Variants in APC observed in about 807,000 individuals in gnomAD.
The protein encoded by APC is adenomatous polyposis coli protein.
A neutral mutation model predicts 247.0 loss-of-function variants in APC; 72 were observed. The observed-to-expected ratio is 0.29, with a 90% CI of 0.24 to 0.35. The LOEUF is 0.35. APC is among the 10% of genes least tolerant of loss of function. The pLI is 1.00. For missense variants in APC, 3,400 were observed against 3,360.7 expected, an observed-to-expected ratio of 1.01 and a Z score of -0.29; for synonymous variants, 1,254 against 1,162.5, an observed-to-expected ratio of 1.08 and a Z score of -1.60.
In APC at chr5:112,842,668, C is replaced by A. The variant is rs1554087974; in HGVS notation, c.7074C>A (p.Ser2358=). The A allele has an allele frequency of 6.2e-7, 1 of 1,613,728 alleles. No homozygotes were observed. Among genetic ancestry groups the A allele is most frequent in the Non-Finnish European group, 8.5e-7 (1 of 1,179,718 alleles). Residue 2358 remains serine, a synonymous_variant, in exon 16 of 16, where the codon TCC becomes TCA. Coordinates refer to ENST00000257430, the MANE Select transcript of APC (RefSeq NM_000038.6). ...TSSPSTASTK[S]SGSGKMSYTS... ...CCCCTAGTACTGCTTCAACTAAGTC[C>A]TCAGGTTCTGGAAAAATGTCATATA...
At chr5:112,753,326 T>A (rs1342950449) in intron 1 of APC, among the ~76,000 whole-genome samples, 2 of 152,182 alleles carry the variant, frequency 1.3e-5, no homozygotes, top group Non-Finnish European at 2.9e-5. Context: ...GGGTCTTAAC[T>A]ATGGGTGAAC....
intron 1 of APC, among the ~76,000 whole-genome samples, chr5:112,750,788 A>G: frequency 6.6e-6 from 1 of 152,274 alleles, no homozygotes; most frequent in Admixed American, 6.5e-5. Context: ...GGTGTACACC[A>G]TTTAAATATC....
chr5:112,733,602 A>G (rs1752205395), upstream of APC, among the ~76,000 whole-genome samples: 1 of 152,234 alleles, frequency 6.6e-6, no homozygotes, highest in South Asian at 2.1e-4. Flanking sequence ...TAGAGCCTCT[A>G]GAAAGAAGTG....
rs554878484 is a variant in APC, at chr5:112,842,860, T to C, written c.7266T>C (p.Thr2422=). ...TAGAACTTTCTAGAATGTCTTCAAC[T>C]AAATCAAGTGGAAGTGAATCTGATA... The part of the protein sequence containing the change: ...KKVELSRMSS[T]KSSGSESDRS... The change falls in exon 16 of 16, where the codon ACT becomes ACC. Residue 2422 remains threonine (T), a synonymous_variant. Transcript: ENST00000257430. 1.2e-6 allele frequency: 2 copies of C among 1,613,974 alleles called. No homozygotes were observed. Among genetic ancestry groups the C allele is most frequent in the Non-Finnish European group, 1.7e-6 (2 of 1,179,932 alleles).
chr5:112,844,059 G>A lies in APC; in HGVS notation c.8465G>A (p.Ser2822Asn), dbSNP rs1421264825. 1 of 1,606,272 alleles carries A rather than the reference G, an allele frequency of 6.2e-7. No individual in the cohort carries two copies. Among genetic ancestry groups the A allele is most frequent in the African/African-American group, 1.3e-5 (1 of 74,316 alleles). The change falls in exon 16 of 16, where the codon AGC (serine) becomes AAC (asparagine). Residue 2822 changes from serine (S) to asparagine (N), a missense_variant. Ser to Asn is a conservative substitution (Grantham distance 46). This residue lies in a region of APC where 1,788 missense variants were observed against 1,649.5 expected (regional missense o/e 1.08). Transcript: ENST00000257430. ...AAGAAGCGAGATTCCAAAACTGACA[G>A]CACAGAATCCAGTGGAACCCAAAGT... ...NTKKRDSKTDSTESSGTQSPK... is the reference protein window; with the variant it reads ...NTKKRDSKTDNTESSGTQSPK...
chr5:112,839,158 T>G lies in APC; in HGVS notation c.3564T>G (p.Pro1188=). 6.2e-7 allele frequency: 1 copy of G among 1,614,146 alleles called. No individual in the cohort carries two copies. Among genetic ancestry groups the G allele is most frequent in the Non-Finnish European group, 8.5e-7 (1 of 1,180,036 alleles). ...GTTTAAAATATGCCACAGATATTCC[T>G]TCATCACAGAAACAGTCATTTTCAT... ...DYSLKYATDI[P]SSQKQSFSFS... Residue 1188 remains proline, a synonymous_variant, in exon 16 of 16, where the codon CCT becomes CCG. Transcript: ENST00000257430. The surrounding 1 kb of genome is among the most constrained non-coding windows in gnomAD (Gnocchi z 5.0).
At chr5:112,707,888 T>C (rs777910904) in intron 1 of APC, 2 of 1,366,898 alleles carry the variant, frequency 1.5e-6, no homozygotes, top group South Asian at 1.2e-5. Flanking sequence ...GGCAGGTGAG[T>C]GAGGCTGCAG....
chr5:112,726,998 T>C (rs575659294), intron 1 of APC, among the ~76,000 whole-genome samples: 1 of 152,232 alleles, frequency 6.6e-6, no homozygotes, highest in South Asian at 2.1e-4. Flanking sequence ...CTCATTCTCC[T>C]AATGCTTAAA....
intron 1 of APC, among the ~76,000 whole-genome samples, chr5:112,721,109 C>G (rs569952777): frequency 1.3e-5 from 2 of 152,148 alleles, no homozygotes; most frequent in East Asian, 3.9e-4. Context: ...GCAGGAGATA[C>G]ATTTTAAAGA....
chr5:112,751,997 C>T (rs1473897864), intron 1 of APC, among the ~76,000 whole-genome samples: 6 of 151,896 alleles, frequency 4.0e-5, no homozygotes, highest in African/African-American at 1.5e-4. Flanking sequence ...TTTCCCATAT[C>T]TATTATGTTA....
upstream of APC, among the ~76,000 whole-genome samples, chr5:112,736,254 A>T (rs1752376169): frequency 6.6e-6 from 1 of 152,240 alleles, no homozygotes; most frequent in Admixed American, 6.5e-5. Flanking sequence ...GCTTTTATTT[A>T]TTTCAAATAT....
chr5:112,792,207 C>G (rs1453250420), intron 6 of APC, among the ~76,000 whole-genome samples: 2 of 151,864 alleles, frequency 1.3e-5, no homozygotes, highest in African/African-American at 4.8e-5. Flanking sequence ...GATTATGCCA[C>G]TGCACTCCAG....
chr5:112,834,315 C>T (rs1231107942), intron 14 of APC, among the ~76,000 whole-genome samples: 2 of 147,838 alleles, frequency 1.4e-5, no homozygotes, highest in Middle Eastern at 3.5e-3. Context: ...AGTCTCGGCT[C>T]ACTGCGACCT....
intron 15 of APC, among the ~76,000 whole-genome samples, chr5:112,836,841 C>T (rs1764996288): frequency 6.6e-6 from 1 of 151,886 alleles, no homozygotes; most frequent in African/African-American, 2.4e-5. Flanking sequence ...GCTGGGACTA[C>T]AGGCATGCAC....
At position 112,819,289 on chromosome 5, in the gene APC, C is replaced by G. The variant is rs2149783348; in HGVS notation, c.1257C>G (p.Thr419=). The G allele has an allele frequency of 6.2e-7, 1 of 1,614,048 alleles. No individual in the cohort carries two copies. The highest frequency in any genetic ancestry group is 8.5e-7 in the Non-Finnish European group (1 of 1,179,978). Residue 419 remains threonine, a synonymous_variant, in exon 10 of 16, where the codon ACC becomes ACG. Transcript: ENST00000257430. ...LLEQIRAYCE[T]CWEWQEAHEP... The stretch of plus-strand genomic sequence containing the variant: ...AACAGATACGCGCTTACTGTGAAAC[C>G]TGTTGGGAGTGGCAGGAAGCTCATG...
In APC at chr5:112,707,897, A is replaced by G. The variant is rs1750619444; in HGVS notation, c.165+15A>G. Reference sequence around the variant, plus strand: ...GCGTCTGGCAGGTGAGTGAGGCTGCAGGCATTGACGTCTCCTCCCGGCAAA... The same window carrying G: ...GCGTCTGGCAGGTGAGTGAGGCTGCGGGCATTGACGTCTCCTCCCGGCAAA... On this transcript the variant is annotated intron_variant, in intron 1 of 13. Coordinates refer to the APC transcript ENST00000507379. 2 of 1,361,790 alleles carry G rather than the reference A, an allele frequency of 1.5e-6. No homozygotes were observed. The highest frequency in any genetic ancestry group is 1.9e-6 in the Non-Finnish European group (2 of 1,034,260). The allele number at this position is 1,361,790 out of a possible 1,614,324, so 84.4% of individuals were successfully genotyped here.
intron 1 of APC, among the ~76,000 whole-genome samples, chr5:112,731,781 A>G (rs1452303418): frequency 1.3e-5 from 2 of 152,110 alleles, no homozygotes; most frequent in African/African-American, 4.8e-5. Context: ...GTTTTGTTTT[A>G]GACAGAGTCT....
intron 9 of APC, 61 bp downstream of exon 9, chr5:112,815,654 G>A (rs2149764779): frequency 1.2e-5 from 17 of 1,380,436 alleles, no homozygotes; most frequent in Non-Finnish European, 1.7e-5. Flanking sequence ...AGACATTCTT[G>A]GCCAGGTGCA....
rs1207065145 is a variant in APC at position 112,780,919 on chromosome 5, C to T, written c.645+16C>T. 2.0e-6 allele frequency: 3 copies of T among 1,521,058 alleles called. No homozygotes were observed. The highest frequency in any genetic ancestry group is 2.7e-6 in the Non-Finnish European group (3 of 1,098,296). The allele number at this position is 1,521,058 out of a possible 1,614,324, so 94.2% of individuals were successfully genotyped here. A position where few individuals can be genotyped will look rare whatever the true frequency, so the allele number is the denominator to read the frequency against. ...ACGAGCACAGGTAAGTTACTTGTTT[C>T]TAAGTGATAAAACAGCGAAGAGCTA... On this transcript the variant is annotated intron_variant, in intron 6 of 15. Coordinates refer to ENST00000257430, the MANE Select transcript of APC (RefSeq NM_000038.6).
Sources: gnomAD v4.1 joint callset for allele counts (sites outside exome capture counted in the v4.1 genomes callset) on GRCh38, gnomAD v4.1.1 for gene constraint, gnomAD v4.1.1 regional missense constraint, Gnocchi (gnomAD v3.1) non-coding constraint, MANE v1.5 for transcripts, NCBI Gene and HGNC (gene_info 2026-07-23, HGNC 2026-07-21) for gene names.